KDM5A: variants seen among roughly 807,000 people sequenced by gnomAD.
KDM5A encodes the protein lysine-specific demethylase 5A.
In KDM5A, 42 loss-of-function variants were observed where a neutral mutation model predicts 193.5. The ratio of observed to expected loss-of-function variants is 0.22; its 90% CI spans 0.17 to 0.28. The LOEUF (loss-of-function observed/expected upper bound fraction) is 0.28, where lower values mean the gene tolerates loss of function less well. KDM5A is among the 10% of genes least tolerant of loss of function. The pLI, the probability that KDM5A is intolerant of heterozygous loss-of-function variation, is 1.00. For synonymous variants in KDM5A, 796 were observed against 718.1 expected (o/e 1.11, Z -1.73); for missense variants, 1,692 against 2,055.1 (o/e 0.82, Z 3.42).
chr12:355,059 C>A, intron 7 of KDM5A, 99 bp downstream of exon 7: 1 of 789,544 alleles, frequency 1.3e-6, no homozygotes, highest in South Asian at 1.4e-5. Context: ...TCTAACCAAA[C>A]GAGCTAACTA....
chr12:324,358 A>C (rs1266375683), intron 14 of KDM5A, among the ~76,000 whole-genome samples: 1 of 152,154 alleles, frequency 6.6e-6, no homozygotes, highest in Non-Finnish European at 1.5e-5. Context: ...AAGGGAAGAA[A>C]ATTGTAATTG....
chr12:369,357 G>A (rs1944397651), intron 3 of KDM5A, among the ~76,000 whole-genome samples: 1 of 152,144 alleles, frequency 6.6e-6, no homozygotes, highest in Non-Finnish European at 1.5e-5. Context: ...AGGTACCTGG[G>A]ATACATTTAT....
chr12:291,901 C>CTTTTT (rs199559800), intron 27 of KDM5A, among the ~76,000 whole-genome samples: 2 of 129,908 alleles, frequency 1.5e-5, no homozygotes, highest in African/African-American at 5.7e-5. Context: ...TAAAACAATG[C>CTTTTT]TTTTTTTTTT....
At position 318,202 on chromosome 12, in the gene KDM5A, G is replaced by A. The variant is rs2137403568; in HGVS notation, c.2801C>T (p.Pro934Leu). 2 of 1,614,098 alleles carry A rather than the reference G, an allele frequency of 1.2e-6. No individual in the cohort carries two copies. The highest frequency in any genetic ancestry group is 1.6e-4 in the Middle Eastern group (1 of 6,062). ...KLIDSGVGLA[P>L]HHAVEKAMAE... ...CATTGCTTTCTCCACAGCATGGTGG[G>A]GTGCCAACCCTACCCCAGAGTCTAT... Residue 934 changes from proline (P) to leucine (L), a missense_variant, in exon 19 of 28, where the codon CCC becomes CTC. By Grantham distance (98) the Pro-to-Leu change is moderately conservative. Around this residue, in one of 11 missense-constraint regions of KDM5A, gnomAD observed 965 missense variants for 1,061.0 expected, o/e 0.91. Coordinates refer to ENST00000399788, the MANE Select transcript of KDM5A (RefSeq NM_001042603.3).
intron 8 of KDM5A, 70 bp from the exon 9 acceptor site, chr12:352,394 A>C (rs1287241114): frequency 1.4e-6 from 2 of 1,400,776 alleles, no homozygotes; most frequent in Non-Finnish European, 2.0e-6. Flanking sequence ...GCTCTTAGTT[A>C]CTAAATTCTT....
At chr12:371,390 T>G (rs1322607453) in intron 3 of KDM5A, among the ~76,000 whole-genome samples, 2 of 152,240 alleles carry the variant, frequency 1.3e-5, no homozygotes, top group African/African-American at 4.8e-5. Context: ...TTCATGTGTC[T>G]GTTGGCTGCA....
At chr12:368,936 G>C (rs1176978709) in intron 3 of KDM5A, among the ~76,000 whole-genome samples, 1 of 152,220 alleles carries the variant, frequency 6.6e-6, no homozygotes, top group Non-Finnish European at 1.5e-5. Context: ...GTCTATGAGT[G>C]TGGACAAATG....
chr12:345,724 C>T (rs1205906371), intron 10 of KDM5A, among the ~76,000 whole-genome samples: 1 of 152,104 alleles, frequency 6.6e-6, no homozygotes, highest in Admixed American at 6.5e-5. Context: ...CAAATGAGAA[C>T]AAAAACACAA....
At chr12:333,248 G>A (rs550260296) in intron 12 of KDM5A, 12 of 528,040 alleles carry the variant, frequency 2.3e-5, no homozygotes, top group Admixed American at 2.2e-4. Context: ...ATAAGGCTTC[G>A]TCTCTACAAA....
At chr12:374,513 T>C (rs541527796) in intron 3 of KDM5A, among the ~76,000 whole-genome samples, 4 of 152,350 alleles carry the variant, frequency 2.6e-5, no homozygotes, top group Non-Finnish European at 4.4e-5. Flanking sequence ...CTGGTGGATC[T>C]TGACTCTTTA....
In KDM5A at chr12:303,838, G is replaced by A. The variant is rs76226317; in HGVS notation, c.4074+3108C>T. On this transcript the variant is annotated intron_variant, in intron 24 of 27. Transcript: ENST00000399788. ...CCAATTGCTCTTAATACAAGTATAT[G>A]TCTGACTGACAATATATAGATTACA... Among the ~76,000 whole-genome samples, 105 of 152,198 alleles carry A rather than the reference G, an allele frequency of 6.9e-4. No homozygotes were observed. In the East Asian group the frequency reaches 0.018, roughly 25 times the overall value.
intron 24 of KDM5A, 108 bp from the exon 25 acceptor site, chr12:297,308 TA>T: frequency 1.1e-6 from 1 of 882,080 alleles, no homozygotes; most frequent in Non-Finnish European, 1.8e-6. Flanking sequence ...ATACTAAAAA[TA>T]TGAGATTAAA....
chr12:313,263 T>C (rs1943611862), intron 19 of KDM5A, 69 bp from the exon 20 acceptor site: 3 of 1,549,130 alleles, frequency 1.9e-6, no homozygotes, highest in African/African-American at 1.4e-5. Context: ...TCAGAATGTT[T>C]AGAGAACTTT....
intron 19 of KDM5A, among the ~76,000 whole-genome samples, chr12:313,818 A>G (rs1052074453): frequency 1.3e-5 from 2 of 152,200 alleles, no homozygotes; most frequent in African/African-American, 4.8e-5. Context: ...TCTGCCCAGG[A>G]GAGTTGAGAA....
At chr12:317,553 C>G (rs1344201894) in intron 19 of KDM5A, among the ~76,000 whole-genome samples, 3 of 152,226 alleles carry the variant, frequency 2.0e-5, no homozygotes, top group African/African-American at 7.2e-5. Context: ...ACAAAGTACT[C>G]TGCACAATAG....
intron 10 of KDM5A, among the ~76,000 whole-genome samples, chr12:335,323 G>C (rs538191925): frequency 2.6e-5 from 4 of 152,306 alleles, no homozygotes; most frequent in African/African-American, 7.2e-5. Flanking sequence ...CATCCTTATG[G>C]AGAACAGTTC....
intron 6 of KDM5A, among the ~76,000 whole-genome samples, chr12:355,624 A>G (rs1227550412): frequency 6.6e-6 from 1 of 152,218 alleles, no homozygotes; most frequent in Non-Finnish European, 1.5e-5. Flanking sequence ...TTACAAGAGT[A>G]ACAAAAATAA....
At chr12:298,903 T>C (rs924981148) in intron 24 of KDM5A, among the ~76,000 whole-genome samples, 4 of 151,760 alleles carry the variant, frequency 2.6e-5, no homozygotes, top group African/African-American at 9.7e-5. Flanking sequence ...TCGTGAAGCA[T>C]ACACAAGTAT....
intron 24 of KDM5A, among the ~76,000 whole-genome samples, chr12:305,046 G>A (rs1033710713): frequency 3.9e-5 from 6 of 152,122 alleles, no homozygotes; most frequent in Admixed American, 1.3e-4. Flanking sequence ...AGAATGTACC[G>A]CTGTGTGTGG....
Sources: allele counts gnomAD v4.1 joint callset (sites outside exome capture counted in the v4.1 genomes callset), GRCh38; gene constraint gnomAD v4.1.1; regional missense constraint gnomAD v4.1.1; transcripts MANE v1.5; gene names NCBI Gene and HGNC (gene_info 2026-07-23, HGNC 2026-07-21).